PDE3A: variants seen among roughly 807,000 people sequenced by gnomAD.
The protein encoded by PDE3A is phosphodiesterase 3A.
A neutral mutation model predicts 98.3 loss-of-function variants in PDE3A; 43 were observed. The observed-to-expected ratio is 0.44, with a 90% CI of 0.34 to 0.56. The LOEUF (loss-of-function observed/expected upper bound fraction) is 0.56. Among genes scored for constraint, PDE3A ranks in the 20% least tolerant of loss-of-function variants. The pLI is 0.01. For missense variants in PDE3A, 1,427 were observed against 1,440.7 expected (o/e 0.99, Z 0.15); for synonymous variants, 663 against 567.9 (o/e 1.17, Z -2.38).
intron 1 of PDE3A, among the ~76,000 whole-genome samples, chr12:20,536,861 A>G (rs1437127097): frequency 2.0e-5 from 3 of 152,042 alleles, no homozygotes; most frequent in Non-Finnish European, 4.4e-5. Context: ...TTGTGTTCAA[A>G]TTTTTGTGTG....
intron 1 of PDE3A, among the ~76,000 whole-genome samples, chr12:20,511,234 T>G (rs1264072956): frequency 6.6e-6 from 1 of 152,024 alleles, no homozygotes; most frequent in East Asian, 1.9e-4. Context: ...CATACTGCAG[T>G]GTTCATTGCT....
chr12:20,423,248 C>T (rs1254550323), intron 1 of PDE3A, among the ~76,000 whole-genome samples: 1 of 152,104 alleles, frequency 6.6e-6, no homozygotes, highest in African/African-American at 2.4e-5. Context: ...ATGAAAGTTA[C>T]AATAAATAAT....
Position 20,386,067 on chromosome 12 carries a change from TATA to T in PDE3A, c.960+15825_960+15827del, listed in dbSNP as rs1253565843. Among the ~76,000 whole-genome samples, 93 of 33,286 alleles carry T rather than the reference TATA, an allele frequency of 2.8e-3. 2 individuals carry two copies. The highest frequency in any genetic ancestry group is 5.5e-3 in the East Asian group (4 of 724). 21.8% of individuals were successfully genotyped at this position (33,286 alleles called of 152,430 possible). A position where few individuals can be genotyped will look rare whatever the true frequency, so the allele number is the denominator to read the frequency against. ...ATATATATAAATATATATAAATATATATAAAATATATATAAATATATAAATATA... is the reference window on the plus strand; with the variant it reads ...ATATATATAAATATATATAAATATATAAATATATATAAATATATAAATATA... On this transcript the variant is annotated intron_variant, in intron 1 of 15. Transcript: ENST00000359062.
intron 1 of PDE3A, among the ~76,000 whole-genome samples, chr12:20,493,779 C>T (rs1053777462): frequency 2.0e-5 from 3 of 152,162 alleles, no homozygotes; most frequent in East Asian, 1.9e-4. Context: ...TACAGGCATG[C>T]GCCACCAAGC....
intron 6 of PDE3A, among the ~76,000 whole-genome samples, chr12:20,631,278 G>A (rs1184506874): frequency 6.6e-6 from 1 of 152,084 alleles, no homozygotes; most frequent in Admixed American, 6.6e-5. Flanking sequence ...AGCAAGTTCT[G>A]TAGTAAAATA....
chr12:20,485,788 G>T (rs1945716996), intron 1 of PDE3A, among the ~76,000 whole-genome samples: 1 of 151,932 alleles, frequency 6.6e-6, no homozygotes, highest in African/African-American at 2.4e-5. Context: ...TATCTTTAAT[G>T]CATTTGTGCT....
At chr12:20,644,813 C>G (rs73238404) in intron 10 of PDE3A, among the ~76,000 whole-genome samples, 30,315 of 146,944 alleles carry the variant, frequency 0.21, 3,620 homozygotes, top group East Asian at 0.43. Context: ...GGATTTGAGC[C>G]TCCTCCTCCT....
At chr12:20,456,844 G>A (rs1172119136) in intron 1 of PDE3A, among the ~76,000 whole-genome samples, 1 of 152,074 alleles carries the variant, frequency 6.6e-6, no homozygotes, top group Non-Finnish European at 1.5e-5. Flanking sequence ...ATCAAGCAAA[G>A]GGCGTATGCT....
intron 2 of PDE3A, among the ~76,000 whole-genome samples, chr12:20,575,647 A>G (rs1480334262): frequency 6.6e-6 from 1 of 151,998 alleles, no homozygotes; most frequent in Non-Finnish European, 1.5e-5. Flanking sequence ...GGGATCATCT[A>G]CAGACTTTCA....
At position 20,432,315 on chromosome 12, in the gene PDE3A, G is replaced by A. The variant is rs1016587937; in HGVS notation, c.960+62071G>A. Among the ~76,000 whole-genome samples the A allele has an allele frequency of 2.6e-5, 4 of 152,302 alleles. 1 individual carries two copies. The highest frequency in any genetic ancestry group is 6.8e-3 in the Middle Eastern group (2 of 294). On this transcript the variant is annotated intron_variant, in intron 1 of 15. Transcript: ENST00000359062. ...TTCTTAAAAGTGAAGAGGGTGAAAT[G>A]GGGAGGTGTTAGTCAAAGGGTATAC...
In PDE3A at chr12:20,646,589, C is replaced by G; in HGVS notation, c.2351C>G (p.Ser784Ter). ...TCAACTGTGATTAATGATCATGGTT[C>G]AACCAGTGATTCAGGTATGTACGAA... ...GLSTVINDHG[S>*]TSDSDSDSGF... Residue 784 changes from serine to a stop codon, truncating the protein, a stop_gained, in exon 11 of 16, where the codon TCA becomes TGA. Coordinates refer to ENST00000359062, the MANE Select transcript of PDE3A (RefSeq NM_000921.5). LOFTEE classifies it high-confidence loss of function. 6.3e-7 allele frequency: 1 copy of G among 1,582,844 alleles called. No individual in the cohort carries two copies. The highest frequency in any genetic ancestry group is 2.2e-5 in the East Asian group (1 of 44,688).
intron 15 of PDE3A, among the ~76,000 whole-genome samples, chr12:20,659,967 C>T (rs555324865): frequency 6.5e-4 from 99 of 152,148 alleles, no homozygotes; most frequent in Non-Finnish European, 1.2e-3. Context: ...GAGAAAAGTC[C>T]ATATACCAGG....
intron 1 of PDE3A, among the ~76,000 whole-genome samples, chr12:20,376,646 G>A (rs1320253003): frequency 1.3e-5 from 2 of 151,792 alleles, no homozygotes; most frequent in Admixed American, 6.6e-5. Context: ...TTTTCAATAT[G>A]TTTATTTTTG....
intron 1 of PDE3A, among the ~76,000 whole-genome samples, chr12:20,543,790 T>C (rs1941983962): frequency 2.0e-5 from 3 of 152,076 alleles, no homozygotes; most frequent in Non-Finnish European, 4.4e-5. Context: ...TACTTATTAA[T>C]AGTGATAACA....
At chr12:20,386,204 AATAT>A (rs1323819818) in intron 1 of PDE3A, among the ~76,000 whole-genome samples, 1 of 66,138 alleles carries the variant, frequency 1.5e-5, no homozygotes, top group African/African-American at 6.1e-5. Context: ...AATATATAAA[AATAT>A]ATATAAATAT....
chr12:20,616,918 T>G (rs926531690), intron 4 of PDE3A, among the ~76,000 whole-genome samples: 1 of 152,146 alleles, frequency 6.6e-6, no homozygotes. Context: ...GAAAGCAACT[T>G]AAAAGCCAGA....
At chr12:20,475,160 G>A (rs55716363) in intron 1 of PDE3A, among the ~76,000 whole-genome samples, 6,858 of 146,234 alleles carry the variant, frequency 0.047, 195 homozygotes, top group Middle Eastern at 0.067. Context: ...AAATGTAGGA[G>A]AGGAAAAAAT....
chr12:20,632,952 T>C (rs1234207294), intron 6 of PDE3A, among the ~76,000 whole-genome samples: 1 of 38,898 alleles, frequency 2.6e-5, no homozygotes, highest in Non-Finnish European at 6.3e-5. Context: ...AATGAGGCTT[T>C]TTTTTTTTTT....
chr12:20,435,802 G>A (rs925962207), intron 1 of PDE3A, among the ~76,000 whole-genome samples: 20 of 152,170 alleles, frequency 1.3e-4, no homozygotes, highest in African/African-American at 3.6e-4. Context: ...ATTTTAGACC[G>A]CAAGTGTGGA....
Sources: gnomAD v4.1 joint callset for allele counts (sites outside exome capture counted in the v4.1 genomes callset) on GRCh38, gnomAD v4.1.1 for gene constraint, MANE v1.5 for transcripts, NCBI Gene and HGNC (gene_info 2026-07-23, HGNC 2026-07-21) for gene names.